Variants in DENND4C observed in about 807,000 individuals in gnomAD.
DENND4C encodes DENN domain-containing protein 4C.
In DENND4C, 108 loss-of-function variants were observed where a neutral mutation model predicts 203.0. The ratio of observed to expected loss-of-function variants is 0.53; its 90% CI spans 0.46 to 0.62. The LOEUF (loss-of-function observed/expected upper bound fraction) is 0.62. DENND4C is among the 20% of genes least tolerant of loss of function. DENND4C has a pLI of 0.00. For synonymous variants in DENND4C, 871 were observed against 792.4 expected (o/e 1.10, Z -1.67); for missense variants, 2,481 against 2,301.2 (o/e 1.08, Z -1.60).
chr9:19,266,671 C>T (rs1224843007), intron 1 of DENND4C, among the ~76,000 whole-genome samples: 3 of 152,072 alleles, frequency 2.0e-5, no homozygotes, highest in East Asian at 1.9e-4. Flanking sequence ...GAAATAATAC[C>T]ACACATCTAC....
At chr9:19,342,811 T>G in intron 22 of DENND4C, 32 bp downstream of exon 22, 1 of 1,520,322 alleles carries the variant, frequency 6.6e-7, no homozygotes, top group Non-Finnish European at 8.8e-7. Flanking sequence ...ATTAAATATT[T>G]AAAATATACT....
chr9:19,245,709 A>G (rs1356390094), intron 1 of DENND4C, among the ~76,000 whole-genome samples: 1 of 152,044 alleles, frequency 6.6e-6, no homozygotes, highest in Admixed American at 6.6e-5. Flanking sequence ...ACAAAAAACT[A>G]GCCAGGCGTG....
intron 1 of DENND4C, among the ~76,000 whole-genome samples, chr9:19,258,357 A>G (rs1333500007): frequency 2.0e-5 from 3 of 152,194 alleles, no homozygotes; most frequent in African/African-American, 7.2e-5. Flanking sequence ...TTGTTCTGTC[A>G]TGTTAGCATT....
In DENND4C at chr9:19,346,608, A is replaced by C; in HGVS notation, c.3839A>C (p.Asn1280Thr). 6.2e-7 allele frequency: 1 copy of C among 1,614,210 alleles called. No homozygotes were observed. ...DKLFSPVIAR[N>T]LADEIESYMN... ...TTGTTTTCTCCAGTTATTGCACGTA[A>C]TCTGGCTGATGAAATAGAAAGCTAT... is the stretch of plus-strand genomic sequence containing the variant. Residue 1280 changes from asparagine to threonine, a missense_variant, in exon 23 of 33, where the codon AAT becomes ACT. Asn to Thr is a moderately conservative substitution (Grantham distance 65). This residue lies in a region of DENND4C where 2,289 missense variants were observed against 2,113.3 expected (regional missense o/e 1.08). Transcript: ENST00000434457.
chr9:19,371,893 G>T, intron 32 of DENND4C, 73 bp downstream of exon 32: 1 of 1,321,344 alleles, frequency 7.6e-7, no homozygotes. Flanking sequence ...TAAAAATGTA[G>T]CTGGTATGTA....
At chr9:19,298,010 A>G (rs924594269) in intron 6 of DENND4C, 46 bp from the exon 7 acceptor site, 7 of 1,441,894 alleles carry the variant, frequency 4.9e-6, no homozygotes, top group Middle Eastern at 2.1e-4. Context: ...ACTGTGATGC[A>G]TTTAGAAAAG....
Position 19,357,150 on chromosome 9 carries a change from C to G in DENND4C, c.4960C>G (p.Pro1654Ala). 6.2e-7 allele frequency: 1 copy of G among 1,613,674 alleles called. No homozygotes were observed. The highest frequency in any genetic ancestry group is 8.5e-7 in the Non-Finnish European group (1 of 1,179,776). ...TGAAGAAACAGGCTCTGCAGTTGAACCAAGGTATCAAAGGGTACAGAGACC... is the reference window on the plus strand; with the variant it reads ...TGAAGAAACAGGCTCTGCAGTTGAAGCAAGGTATCAAAGGGTACAGAGACC... ...ITEETGSAVE[P>A]SDEIKRASGD... The change falls in exon 27 of 33, where the codon CCA (proline) becomes GCA (alanine). Residue 1654 changes from proline (P) to alanine (A), a missense_variant. By Grantham distance (27) the Pro-to-Ala change is conservative (BLOSUM62 -1). Around this residue, in one of 3 missense-constraint regions of DENND4C, gnomAD observed 2,289 missense variants for 2,113.3 expected, o/e 1.08. Transcript: ENST00000434457.
intron 1 of DENND4C, among the ~76,000 whole-genome samples, chr9:19,255,390 G>A (rs1035035314): frequency 6.9e-6 from 1 of 144,382 alleles, no homozygotes; most frequent in African/African-American, 2.6e-5. Context: ...GGGCAACAGA[G>A]TGAGATCCTG....
intron 1 of DENND4C, among the ~76,000 whole-genome samples, chr9:19,235,859 A>G (rs1297664965): frequency 6.6e-6 from 1 of 151,996 alleles, no homozygotes; most frequent in African/African-American, 2.4e-5. Flanking sequence ...TGGCCTTCCA[A>G]AGTGCTGGGA....
chr9:19,343,153 A>G (rs772519353), intron 22 of DENND4C, among the ~76,000 whole-genome samples: 5 of 152,166 alleles, frequency 3.3e-5, no homozygotes, highest in Non-Finnish European at 5.9e-5. Context: ...GCTAATTCCT[A>G]TCACTGAAGG....
At chr9:19,337,804 T>A in intron 20 of DENND4C, 1 of 397,952 alleles carries the variant, frequency 2.5e-6, no homozygotes, top group Non-Finnish European at 4.6e-6. Context: ...CAGATAAATG[T>A]AATCATATAT....
At chr9:19,330,675 A>G (rs1036278093) in intron 16 of DENND4C, among the ~76,000 whole-genome samples, 10 of 151,948 alleles carry the variant, frequency 6.6e-5, no homozygotes, top group African/African-American at 2.4e-4. Flanking sequence ...CTAGCAAGGA[A>G]TCTTCAGTGC....
At chr9:19,290,212 G>C (rs1836010119) in intron 4 of DENND4C, among the ~76,000 whole-genome samples, 1 of 152,194 alleles carries the variant, frequency 6.6e-6, no homozygotes, top group South Asian at 2.1e-4. Context: ...CTTAGTCACA[G>C]TGTTTCTGTC....
At chr9:19,316,866 TTTTA>T (rs1367051968) in intron 12 of DENND4C, 27 bp downstream of exon 12, 2 of 1,554,920 alleles carry the variant, frequency 1.3e-6, no homozygotes, top group Non-Finnish European at 8.7e-7. Context: ...GTACAATTCC[TTTTA>T]TTGAGGTGAA....
intron 2 of DENND4C, among the ~76,000 whole-genome samples, chr9:19,282,005 G>C (rs1331349966): frequency 1.3e-5 from 2 of 152,178 alleles, no homozygotes; most frequent in African/African-American, 4.8e-5. Context: ...CAGTGAGTGA[G>C]TGTTGAGTGA....
chr9:19,300,080 A>T (rs192629238), intron 8 of DENND4C, 107 bp from the exon 9 acceptor site: 1 of 1,135,924 alleles, frequency 8.8e-7, no homozygotes, highest in African/African-American at 1.6e-5. Context: ...AGTAAAGACT[A>T]GAAATTAACA....
intron 1 of DENND4C, among the ~76,000 whole-genome samples, chr9:19,256,297 G>GTTTTTTTTTTTGTTTTTTTTTT (rs1827916654): frequency 8.2e-6 from 1 of 122,612 alleles, no homozygotes; most frequent in African/African-American, 3.0e-5. Context: ...TTTCTTTTCT[G>GTTTTTTTTTTTGTTTTTTTTTT]TTTTTTTTTT....
chr9:19,275,184 G>A (rs1356430684), intron 1 of DENND4C, among the ~76,000 whole-genome samples: 1 of 151,048 alleles, frequency 6.6e-6, no homozygotes, highest in African/African-American at 2.4e-5. Flanking sequence ...CACCATGTTA[G>A]CCAGGCTGGT....
In DENND4C at chr9:19,244,904, A is replaced by G. The variant is rs1043093004; in HGVS notation, c.-18+14071A>G. 2.0e-5 allele frequency among the ~76,000 whole-genome samples: 3 copies of G among 152,202 alleles called. No individual in the cohort carries two copies. The South Asian group carries it at 6.2e-4, about 31-fold the overall frequency. ...CCTCCCTTACTGGGTTGTTATGAAT[A>G]TGAAATGAATTACTAGATGTGAAAT... is the stretch of plus-strand genomic sequence containing the variant. On this transcript the variant is annotated intron_variant, in intron 1 of 32. Transcript: ENST00000434457.
Sources: gnomAD v4.1 joint callset for allele counts (sites outside exome capture counted in the v4.1 genomes callset) on GRCh38, gnomAD v4.1.1 for gene constraint, gnomAD v4.1.1 regional missense constraint, MANE v1.5 for transcripts, NCBI Gene and HGNC (gene_info 2026-07-23, HGNC 2026-07-21) for gene names.